Variants in PODNL1 observed in about 807,000 individuals in gnomAD.
The protein encoded by PODNL1 is podocan-like protein 1.
PODNL1 carries 50 observed loss-of-function variants against 45.1 expected under a neutral mutation model. That is an observed-to-expected ratio of 1.11 (90% confidence interval 0.88 to 1.40). The LOEUF (loss-of-function observed/expected upper bound fraction) is 1.40, where lower values mean the gene tolerates loss of function less well. PODNL1 is among the 40% of genes most tolerant of loss of function. The pLI, the probability that PODNL1 is intolerant of heterozygous loss-of-function variation, is 0.00. For synonymous variants in PODNL1, 406 were observed against 372.5 expected (o/e 1.09, Z -1.04); for missense variants, 788 against 793.3 (o/e 0.99, Z 0.08).
intron 2 of PODNL1, among the ~76,000 whole-genome samples, chr19:13,936,795 A>C (rs1410267554): frequency 1.9e-5 from 1 of 53,446 alleles, no homozygotes; most frequent in Non-Finnish European, 3.4e-5. Context: ...CAACACCCCC[A>C]CAATCAACCC....
At chr19:13,942,606 A>G (rs1174942484), upstream of PODNL1, among the ~76,000 whole-genome samples, 2 of 152,154 alleles carry the variant, frequency 1.3e-5, no homozygotes, top group African/African-American at 2.4e-5. Context: ...AGGGATAACA[A>G]TGGAGTATGG....
At position 13,933,221 on chromosome 19, in the gene PODNL1, C is replaced by G. The variant is rs903294147; in HGVS notation, c.1002G>C (p.Thr334=). 12 of 1,538,756 alleles carry G rather than the reference C, an allele frequency of 7.8e-6. No individual in the cohort carries two copies. Among genetic ancestry groups the G allele is most frequent in the Non-Finnish European group, 9.6e-6 (11 of 1,147,332 alleles). Reference sequence around the variant, plus strand: ...CCAGCCCATTGCCATAGAGGTGCAGCGTGTGCAGGCCCCGCAGCGGCCGCA... The same window carrying G: ...CCAGCCCATTGCCATAGAGGTGCAGGGTGTGCAGGCCCCGCAGCGGCCGCA... The part of the protein sequence containing the change: ...GALRPLRGLH[T]LHLYGNGLDR... The change falls in exon 8 of 10, where the codon ACG becomes ACC. Residue 334 remains threonine, a synonymous_variant. Transcript: ENST00000588872. This position sits in a 1 kb window ranked among gnomAD's most constrained non-coding sequence, Gnocchi z 5.2.
chr19:13,937,830 C>T lies in PODNL1; in HGVS notation c.180G>A (p.Val60=), dbSNP rs1353369010. 1 of 1,596,370 alleles carries T rather than the reference C, an allele frequency of 6.3e-7. No homozygotes were observed. Among genetic ancestry groups the T allele is most frequent in the Non-Finnish European group, 8.5e-7 (1 of 1,173,012 alleles). The part of the protein sequence containing the change: ...TVDCDGLDLR[V]FPDNITRAAQ... ...CGGCTCTGGTGATGTTGTCCGGGAACACTCGAAGGTCCAAGCCATCACAGT... is the reference window on the plus strand; with the variant it reads ...CGGCTCTGGTGATGTTGTCCGGGAATACTCGAAGGTCCAAGCCATCACAGT... The change falls in exon 2 of 10, where the codon GTG becomes GTA. Residue 60 remains valine (V), a synonymous_variant. Coordinates refer to ENST00000588872, the MANE Select transcript of PODNL1 (RefSeq NM_001370095.3).
At chr19:13,936,213 C>A (rs544344027) in intron 3 of PODNL1, among the ~76,000 whole-genome samples, 154 bp downstream of exon 3, 1 of 152,096 alleles carries the variant, frequency 6.6e-6, no homozygotes, top group African/African-American at 2.4e-5. Context: ...CCCCAACCCC[C>A]ACCCCAGCTC....
upstream of PODNL1, among the ~76,000 whole-genome samples, chr19:13,938,643 G>T (rs1039298174): frequency 1.3e-5 from 2 of 152,130 alleles, no homozygotes; most frequent in African/African-American, 4.8e-5. Flanking sequence ...GGATTAGGGA[G>T]GCCTGAGCTT....
chr19:13,949,487 T>C (rs909231266), intron 1 of PODNL1: 3 of 151,768 alleles, frequency 2.0e-5, no homozygotes, highest in Non-Finnish European at 2.9e-5. Flanking sequence ...AAAAAAAATG[T>C]TTTTTCATTG....
Position 13,938,165 on chromosome 19 carries a change from G to C in PODNL1, c.3+14C>G. 1 of 1,600,920 alleles carries C rather than the reference G, an allele frequency of 6.2e-7. No individual in the cohort carries two copies. Reference sequence around the variant, plus strand: ...GCAGGCCCCACCCTCAGACCCTCCCGTGCCCCACCTTACCATGGCCAGCCC... The same window carrying C: ...GCAGGCCCCACCCTCAGACCCTCCCCTGCCCCACCTTACCATGGCCAGCCC... On this transcript the variant is annotated intron_variant, in intron 1 of 9. Coordinates refer to ENST00000588872, the MANE Select transcript of PODNL1 (RefSeq NM_001370095.3).
At chr19:13,948,893 A>G (rs1972914380) in intron 1 of PODNL1, among the ~76,000 whole-genome samples, 1 of 149,666 alleles carries the variant, frequency 6.7e-6, no homozygotes, top group Non-Finnish European at 1.5e-5. Flanking sequence ...GTGAGCCAAG[A>G]TGGTGCCACA....
chr19:13,949,035 C>T (rs1192703858), intron 1 of PODNL1, among the ~76,000 whole-genome samples: 1 of 151,738 alleles, frequency 6.6e-6, no homozygotes, highest in Non-Finnish European at 1.5e-5. Flanking sequence ...CTCTGTGTCA[C>T]TGAAACCTCT....
chr19:13,934,323 G>A lies in PODNL1; in HGVS notation c.582C>T (p.Ser194=). Residue 194 remains serine, a synonymous_variant, in exon 6 of 10, where the codon AGC becomes AGT. Coordinates refer to ENST00000588872, the MANE Select transcript of PODNL1 (RefSeq NM_001370095.3). ...GGTAGCTGAGCTGGTTGTTGGAGAG[G>A]CTGAGGGTGGCGATGGCCTCGGAGC... The part of the protein sequence containing the change: ...FRGSEAIATL[S]LSNNQLSYLP... 6.4e-7 allele frequency: 1 copy of A among 1,555,914 alleles called. No individual in the cohort carries two copies. Among genetic ancestry groups the A allele is most frequent in the Non-Finnish European group, 8.7e-7 (1 of 1,155,634 alleles).
chr19:13,947,503 A>AT (rs1555743641), intron 1 of PODNL1, among the ~76,000 whole-genome samples: 1 of 152,024 alleles, frequency 6.6e-6, no homozygotes, highest in Non-Finnish European at 1.5e-5. Flanking sequence ...GAAAAAAAAA[A>AT]GAATTGAGGT....
At position 13,933,583 on chromosome 19, in the gene PODNL1, G is replaced by C. The variant is rs1275620080; in HGVS notation, c.768-128C>G. 3 of 1,076,758 alleles carry C rather than the reference G, an allele frequency of 2.8e-6. No individual in the cohort carries two copies. The highest frequency in any genetic ancestry group is 1.7e-5 in the South Asian group (1 of 60,522). The allele number at this position is 1,076,758 out of a possible 1,614,324, so 66.7% of individuals were successfully genotyped here. ...GGAGATTTTGACTTGGGAGTGATGCGTGGAGAGAGCTGGGTGGGAGGTAAA... is the reference window on the plus strand; with the variant it reads ...GGAGATTTTGACTTGGGAGTGATGCCTGGAGAGAGCTGGGTGGGAGGTAAA... On this transcript the variant is annotated intron_variant, in intron 7 of 9. Transcript: ENST00000588872. The surrounding 1 kb of genome is among the most constrained non-coding windows in gnomAD (Gnocchi z 5.2).
At chr19:13,945,966 T>G (rs536633027) in intron 1 of PODNL1, among the ~76,000 whole-genome samples, 8 of 151,074 alleles carry the variant, frequency 5.3e-5, no homozygotes, top group African/African-American at 1.5e-4. Context: ...GAGGCTGAAG[T>G]GGGAAGACTG....
intron 1 of PODNL1, chr19:13,952,667 G>C (rs772355191): frequency 7.7e-7 from 1 of 1,293,980 alleles, no homozygotes; most frequent in African/African-American, 1.6e-5. Context: ...GCCGGAGTGG[G>C]GAGCGCGCCG....
Position 13,931,812 on chromosome 19 carries a change from C to T in PODNL1, c.1650G>A (p.Thr550=), listed in dbSNP as rs758241365. The part of the protein sequence containing the change: ...LGLPNLRVVD[T]AGNPEQVLIR... ...TCAGGACCTGCTCCGGATTCCCTGC[C>T]GTGTCCACCACACGCAGGTTTGGGA... The change falls in exon 10 of 10, where the codon ACG becomes ACA. Residue 550 remains threonine (T), a synonymous_variant. Transcript: ENST00000588872. 239 of 1,231,706 alleles carry T rather than the reference C, an allele frequency of 1.9e-4. No individual in the cohort carries two copies. Among genetic ancestry groups the T allele is most frequent in the Non-Finnish European group, 2.3e-4 (231 of 987,888 alleles). 76.3% of individuals were successfully genotyped at this position (1,231,706 alleles called of 1,614,324 possible).
intron 1 of PODNL1, among the ~76,000 whole-genome samples, chr19:13,948,080 A>G (rs962004229): frequency 9.2e-5 from 14 of 151,952 alleles, no homozygotes; most frequent in Non-Finnish European, 1.6e-4. Flanking sequence ...GTCTCCGGGG[A>G]TCAAGGGAGA....
chr19:13,936,136 G>A (rs1638656930), intron 3 of PODNL1, 92 bp from the exon 4 acceptor site: 10 of 1,226,460 alleles, frequency 8.2e-6, no homozygotes, highest in Non-Finnish European at 1.2e-5. Context: ...CTCTCGGCCG[G>A]GGAACTGGCA....
Position 13,933,249 on chromosome 19 carries a change from G to A in PODNL1, c.974C>T (p.Ala325Val), listed in dbSNP as rs773385161. The change falls in exon 8 of 10, where the codon GCT (alanine) becomes GTT (valine). Residue 325 changes from alanine (A) to valine (V), a missense_variant. Ala to Val is a moderately conservative substitution (Grantham distance 64). Transcript: ENST00000588872. This position sits in a 1 kb window ranked among gnomAD's most constrained non-coding sequence, Gnocchi z 5.2. The part of the protein sequence containing the change: ...QLGSSGLPAG[A>V]LRPLRGLHTL... ...GTGCAGGCCCCGCAGCGGCCGCAGA[G>A]CCCCGGCGGGCAGCCCTGAGCTCCC... The A allele has an allele frequency of 6.5e-7, 1 of 1,548,696 alleles. No homozygotes were observed. The highest frequency in any genetic ancestry group is 1.9e-5 in the Admixed American group (1 of 51,834).
rs1326793884 is a variant in PODNL1, at chr19:13,931,604, T to C, written c.*133A>G. 4 of 981,290 alleles carry C rather than the reference T, an allele frequency of 4.1e-6. No homozygotes were observed. The highest frequency in any genetic ancestry group is 5.3e-6 in the Non-Finnish European group (4 of 760,364). 60.8% of individuals were successfully genotyped at this position (981,290 alleles called of 1,614,324 possible). A position where few individuals can be genotyped will look rare whatever the true frequency, so the allele number is the denominator to read the frequency against. On this transcript the variant is annotated 3_prime_UTR_variant, in exon 10 of 10. Coordinates refer to ENST00000588872, the MANE Select transcript of PODNL1 (RefSeq NM_001370095.3). ...CTGTGTGCCTCTGTGTCTCGGCCAG[T>C]GGCAGGCAGAGCAGGCCCAGCCCTG...
Sources: allele counts gnomAD v4.1 joint callset (sites outside exome capture counted in the v4.1 genomes callset), GRCh38; gene constraint gnomAD v4.1.1; non-coding constraint Gnocchi (gnomAD v3.1); transcripts MANE v1.5; gene names NCBI Gene and HGNC (gene_info 2026-07-23, HGNC 2026-07-21).